Variants in GPR141 observed in about 807,000 individuals in gnomAD.
The protein encoded by GPR141 is G protein-coupled receptor 141, also known as probable G protein-coupled receptor 141.
Under a neutral mutation model 6.8 loss-of-function variants are expected in GPR141, and 6 were observed. The ratio of observed to expected loss-of-function variants is 0.88; its 90% confidence interval spans 0.48 to 1.74. GPR141 has a LOEUF of 1.74. Ranked by LOEUF, GPR141 falls within the 40% of genes most tolerant of loss-of-function variation. The probability of loss-of-function intolerance (pLI) is 0.01; values close to 1 mark genes in which losing one functional copy is unlikely to be tolerated. For missense variants in GPR141, 372 were observed against 372.9 expected (o/e 1.00, Z 0.02); for synonymous variants, 140 against 142.3 (o/e 0.98, Z 0.11).
At chr7:37,707,258 T>C (rs1321732343) in intron 2 of GPR141, among the ~76,000 whole-genome samples, 1 of 152,192 alleles carries the variant, frequency 6.6e-6, no homozygotes, top group East Asian at 1.9e-4. Flanking sequence ...GTTTGTACCT[T>C]ACAAGTAGAT....
chr7:37,703,129 A>G (rs73113221), intron 2 of GPR141, among the ~76,000 whole-genome samples: 2,011 of 152,238 alleles, frequency 0.013, 21 homozygotes, highest in Middle Eastern at 0.034. Flanking sequence ...CATTCTTCAA[A>G]GAATTTTACT....
At chr7:37,688,255 C>T (rs1349422533) in intron 2 of GPR141, among the ~76,000 whole-genome samples, 3 of 151,710 alleles carry the variant, frequency 2.0e-5, no homozygotes, top group Non-Finnish European at 4.4e-5. Flanking sequence ...ATATGGTGAA[C>T]CCCCGTCTCT....
intron 2 of GPR141, among the ~76,000 whole-genome samples, chr7:37,695,081 G>A (rs1287826930): frequency 6.6e-6 from 1 of 152,206 alleles, no homozygotes; most frequent in African/African-American, 2.4e-5. Flanking sequence ...AGGAGGGATT[G>A]CACAGCTTCA....
At position 37,696,073 on chromosome 7, in the gene GPR141, C is replaced by G. The variant is rs952933803; in HGVS notation, c.-15+10490C>G. On this transcript the variant is annotated intron_variant, in intron 2 of 2. Coordinates refer to ENST00000334425, the MANE Select transcript of GPR141 (RefSeq NM_001381946.1). ...TCTGGTTTGGAAGTACAGACAATTCCCCATATAAACAATGGTTGACTTATA... is the reference window on the plus strand; with the variant it reads ...TCTGGTTTGGAAGTACAGACAATTCGCCATATAAACAATGGTTGACTTATA... 8.5e-5 allele frequency among the ~76,000 whole-genome samples: 13 copies of G among 152,220 alleles called. No homozygotes were observed. In the East Asian group the frequency reaches 2.3e-3, roughly 27 times the overall value.
At chr7:37,710,582 C>A (rs948298396) in intron 2 of GPR141, among the ~76,000 whole-genome samples, 5 of 152,140 alleles carry the variant, frequency 3.3e-5, no homozygotes, top group African/African-American at 1.2e-4. Context: ...CAGTTGATTT[C>A]TTGAATTGGG....
Position 37,742,510 on chromosome 7 carries a change from C to T in GPR141, c.*1199C>T, listed in dbSNP as rs539294748. On this transcript the variant is annotated 3_prime_UTR_variant, in exon 3 of 3. Transcript: ENST00000334425. ...AACATGCGGTGTTTGGTTTTCTGTT[C>T]CTGTGTTAGTTTGCTGAGAATGATG... 6.6e-6 allele frequency among the ~76,000 whole-genome samples: 1 copy of T among 150,588 alleles called. No homozygotes were observed. Among genetic ancestry groups the T allele is most frequent in the African/African-American group, 2.4e-5 (1 of 40,938 alleles).
intron 2 of GPR141, among the ~76,000 whole-genome samples, chr7:37,691,084 T>C (rs1809738348): frequency 6.6e-6 from 1 of 152,180 alleles, no homozygotes; most frequent in African/African-American, 2.4e-5. Flanking sequence ...TGTATCTTTT[T>C]AGAATTTTGA....
At chr7:37,685,616 T>A (rs557655160) in intron 2 of GPR141, 33 bp downstream of exon 2, 1 of 140,648 alleles carries the variant, frequency 7.1e-6, no homozygotes, top group South Asian at 2.2e-4. Context: ...AATTAATTAA[T>A]TTTTTTTTTT....
intron 2 of GPR141, among the ~76,000 whole-genome samples, chr7:37,722,426 T>TAA (rs11323927): frequency 9.0e-5 from 13 of 144,334 alleles, no homozygotes; most frequent in South Asian, 2.2e-4. Flanking sequence ...TTCCCTCTCT[T>TAA]AAAAAAAAAA....
chr7:37,728,554 G>A (rs1017401741), intron 2 of GPR141, among the ~76,000 whole-genome samples: 3 of 152,014 alleles, frequency 2.0e-5, no homozygotes, highest in African/African-American at 7.3e-5. Flanking sequence ...TCTACCATAG[G>A]TTTCTTATAA....
chr7:37,725,646 C>T (rs1242936611), intron 2 of GPR141, among the ~76,000 whole-genome samples: 1 of 152,182 alleles, frequency 6.6e-6, no homozygotes, highest in Admixed American at 6.5e-5. Context: ...CTATAAAAGT[C>T]ATTCTTTTTT....
At chr7:37,683,950 A>G (rs1463524955) in intron 1 of GPR141, 47 bp downstream of exon 1, 1 of 152,212 alleles carries the variant, frequency 6.6e-6, no homozygotes, top group African/African-American at 2.4e-5. Context: ...TGAAAGTGCT[A>G]TAGAAATAAA....
At chr7:37,715,201 G>T (rs548340875) in intron 2 of GPR141, among the ~76,000 whole-genome samples, 1 of 152,234 alleles carries the variant, frequency 6.6e-6, no homozygotes, top group South Asian at 2.1e-4. Flanking sequence ...GCGCACTGCA[G>T]CCTTGAACTC....
At chr7:37,711,573 A>T (rs1810797124) in intron 2 of GPR141, among the ~76,000 whole-genome samples, 1 of 152,040 alleles carries the variant, frequency 6.6e-6, no homozygotes, top group Non-Finnish European at 1.5e-5. Context: ...CTTTGAGATA[A>T]CTCCTCCTTT....
At chr7:37,709,858 A>C (rs868120401) in intron 2 of GPR141, 1 of 152,254 alleles carries the variant, frequency 6.6e-6, no homozygotes, top group Admixed American at 6.5e-5. Flanking sequence ...GGATCACAGC[A>C]GCAGGGACTA....
intron 2 of GPR141, among the ~76,000 whole-genome samples, chr7:37,707,210 T>C (rs930610992): frequency 6.6e-6 from 1 of 152,198 alleles, no homozygotes; most frequent in Non-Finnish European, 1.5e-5. Flanking sequence ...ATTCTAAGTA[T>C]TTTTAAATTT....
intron 1 of GPR141, among the ~76,000 whole-genome samples, chr7:37,684,367 G>A (rs1299123515): frequency 1.3e-5 from 2 of 152,216 alleles, no homozygotes; most frequent in Admixed American, 1.3e-4. Context: ...CAATCTGTAA[G>A]CAATCAAGTA....
At chr7:37,716,265 G>T (rs939458911) in intron 2 of GPR141, among the ~76,000 whole-genome samples, 2 of 152,172 alleles carry the variant, frequency 1.3e-5, no homozygotes, top group Non-Finnish European at 2.9e-5. Context: ...ATTATGGAGA[G>T]GGAGGAGCTA....
At chr7:37,717,172 A>G (rs1395943422) in intron 2 of GPR141, among the ~76,000 whole-genome samples, 1 of 152,242 alleles carries the variant, frequency 6.6e-6, no homozygotes, top group Non-Finnish European at 1.5e-5. Context: ...CATTTCCTAA[A>G]TACATAATAG....
Sources: gnomAD v4.1 joint callset for allele counts (sites outside exome capture counted in the v4.1 genomes callset) on GRCh38, gnomAD v4.1.1 for gene constraint, MANE v1.5 for transcripts, NCBI Gene and HGNC (gene_info 2026-07-23, HGNC 2026-07-21) for gene names.